The following HLTF variants were observed in gnomAD, a reference collection of about 807,000 sequenced individuals.
The protein encoded by HLTF is DNA-dependent ATPase/E3 ubiquitin-protein ligase HLTF.
HLTF carries 127 observed loss-of-function variants against 129.4 expected under a neutral mutation model. That is an observed-to-expected ratio of 0.98 (90% CI 0.85 to 1.14). HLTF has a LOEUF of 1.14. Among genes scored for constraint, HLTF ranks in the 50% most tolerant of loss-of-function variants. HLTF has a pLI of 0.00. For synonymous variants in HLTF, 332 were observed against 388.8 expected (o/e 0.85, Z 1.72); for missense variants, 1,139 against 1,187.1 (o/e 0.96, Z 0.60).
chr3:149,086,345 GT>G lies in HLTF; in HGVS notation c.-10del. On this transcript the variant is annotated 5_prime_UTR_variant, in exon 1 of 25. Transcript: ENST00000310053. ...TTGAACATCCAGGACATGGCGCTGA[GT>G]GGGATGACAAGAGGAGCGCCTCGGC... The G allele has an allele frequency of 6.3e-7, 1 of 1,592,698 alleles. No homozygotes were observed. The highest frequency in any genetic ancestry group is 8.6e-7 in the Non-Finnish European group (1 of 1,169,142).
chr3:149,074,959 A>G (rs1380376437), intron 3 of HLTF, among the ~76,000 whole-genome samples: 1 of 152,198 alleles, frequency 6.6e-6, no homozygotes, highest in Non-Finnish European at 1.5e-5. Flanking sequence ...GAGTTTAGAA[A>G]AAGAAAAAAG....
In HLTF at chr3:149,050,239, T is replaced by C. The variant is rs1335546241; in HGVS notation, c.1610A>G (p.Asp537Gly). 4 of 1,577,266 alleles carry C rather than the reference T, an allele frequency of 2.5e-6. No homozygotes were observed. Among genetic ancestry groups the C allele is most frequent in the Non-Finnish European group, 3.5e-6 (4 of 1,152,406 alleles). ...AGTATCAACAATACTTACTCCATAGTCATGAGTTAAAATATTATACGTAGT... is the reference window on the plus strand; with the variant it reads ...AGTATCAACAATACTTACTCCATAGCCATGAGTTAAAATATTATACGTAGT... ...VLTTYNILTHDYGTKGDSPLH... is the reference protein window; with the variant it reads ...VLTTYNILTHGYGTKGDSPLH... Residue 537 changes from aspartate to glycine, a missense_variant, in exon 15 of 25, where the codon GAC becomes GGC. Asp to Gly is a moderately conservative substitution (Grantham distance 94). Coordinates refer to ENST00000310053, the MANE Select transcript of HLTF (RefSeq NM_003071.4).
chr3:149,060,757 A>T, intron 11 of HLTF, 22 bp downstream of exon 11: 1 of 1,607,542 alleles, frequency 6.2e-7, no homozygotes, highest in Non-Finnish European at 8.5e-7. Flanking sequence ...CACATTATCA[A>T]ATCAAATCTA....
chr3:149,046,286 G>GT, intron 17 of HLTF, 27 bp from the exon 18 acceptor site: 1 of 1,244,914 alleles, frequency 8.0e-7, no homozygotes, highest in African/African-American at 1.6e-5. Flanking sequence ...AAATAATTAT[G>GT]TAACTTTTAA....
rs749242198 is a variant in HLTF, at chr3:149,032,216, CA to C, written c.*3del. 2 of 1,560,552 alleles carry C rather than the reference CA, an allele frequency of 1.3e-6. No homozygotes were observed. Among genetic ancestry groups the C allele is most frequent in the Admixed American group, 4.2e-5 (2 of 47,762 alleles). The stretch of plus-strand genomic sequence containing the variant: ...TCAAACTGACCTTACTAAAATCCCA[CA>C]AATTATAAGTCAATTAATGTTCTGA... On this transcript the variant is annotated 3_prime_UTR_variant, in exon 25 of 25. Coordinates refer to ENST00000310053, the MANE Select transcript of HLTF (RefSeq NM_003071.4).
intron 8 of HLTF, among the ~76,000 whole-genome samples, chr3:149,067,988 G>T (rs987985360): frequency 2.6e-5 from 4 of 152,200 alleles, no homozygotes; most frequent in South Asian, 2.1e-4. Flanking sequence ...TTGAGCCTGG[G>T]AAGCAGAGGT....
intron 5 of HLTF, among the ~76,000 whole-genome samples, chr3:149,072,481 T>G (rs1718960104): frequency 6.6e-6 from 1 of 152,232 alleles, no homozygotes. Flanking sequence ...CTTTTATTAT[T>G]ATGCTAACTT....
intron 10 of HLTF, among the ~76,000 whole-genome samples, chr3:149,062,376 T>G (rs574841107): frequency 1.3e-5 from 2 of 152,320 alleles, no homozygotes; most frequent in Admixed American, 1.3e-4. Context: ...CTGAAGCAAT[T>G]AGATTTAGAT....
chr3:149,051,535 G>A (rs975284683), intron 14 of HLTF, among the ~76,000 whole-genome samples: 3 of 152,156 alleles, frequency 2.0e-5, no homozygotes, highest in African/African-American at 7.2e-5. Flanking sequence ...TGTTTTTATT[G>A]GGAGAAAACA....
chr3:149,033,069 T>C (rs1715269610), intron 24 of HLTF, among the ~76,000 whole-genome samples: 1 of 151,988 alleles, frequency 6.6e-6, no homozygotes, highest in Admixed American at 6.6e-5. Context: ...ATCTCATTCC[T>C]GATAAAAACT....
At position 149,071,529 on chromosome 3, in the gene HLTF, T is replaced by C. The variant is rs1332930788; in HGVS notation, c.702+54A>G. ...CTGTGATTAAACAAAAAGTAGATTC[T>C]AAGTATATTTAAACATTCTGAGTAG... is the stretch of plus-strand genomic sequence containing the variant. On this transcript the variant is annotated intron_variant, in intron 6 of 24. Coordinates refer to ENST00000310053, the MANE Select transcript of HLTF (RefSeq NM_003071.4). 3 of 1,463,872 alleles carry C rather than the reference T, an allele frequency of 2.0e-6. No homozygotes were observed. The East Asian group carries it at 6.9e-5, about 34-fold the overall frequency. The allele number at this position is 1,463,872 out of a possible 1,614,324, so 90.7% of individuals were successfully genotyped here.
At chr3:149,043,451 G>A (rs1716289028) in intron 18 of HLTF, among the ~76,000 whole-genome samples, 2 of 149,934 alleles carry the variant, frequency 1.3e-5, no homozygotes, top group South Asian at 4.2e-4. Context: ...AAGCTTTCCA[G>A]GAAAGAGAAG....
chr3:149,035,385 AT>A (rs1476689476), intron 23 of HLTF, among the ~76,000 whole-genome samples: 1 of 152,140 alleles, frequency 6.6e-6, no homozygotes, highest in African/African-American at 2.4e-5. Flanking sequence ...TCTTGGGCCT[AT>A]TTAGTTTTCT....
At position 149,086,429 on chromosome 3, in the gene HLTF, G is replaced by A; in HGVS notation, c.-93C>T. ...GCCTCCTTCCAGGCCCCGCAGCCCT[G>A]AAGCCGGGGACAAATTCCGAGCGCC... On this transcript the variant is annotated 5_prime_UTR_variant, in exon 1 of 25. Transcript: ENST00000310053. 1 of 1,442,330 alleles carries A rather than the reference G, an allele frequency of 6.9e-7. No homozygotes were observed. Among genetic ancestry groups the A allele is most frequent in the Non-Finnish European group, 9.5e-7 (1 of 1,053,328 alleles). The allele number at this position is 1,442,330 out of a possible 1,614,324, so 89.3% of individuals were successfully genotyped here.
At chr3:149,044,271 G>T (rs1489806495) in intron 18 of HLTF, among the ~76,000 whole-genome samples, 1 of 152,048 alleles carries the variant, frequency 6.6e-6, no homozygotes, top group East Asian at 1.9e-4. Flanking sequence ...CTATTAAAAA[G>T]AATACTTTAA....
chr3:149,071,129 G>A, intron 7 of HLTF, 123 bp downstream of exon 7: 1 of 560,196 alleles, frequency 1.8e-6, no homozygotes, highest in Non-Finnish European at 3.1e-6. Context: ...GTTCTACAAA[G>A]ATAGTAAGAT....
intron 8 of HLTF, 81 bp downstream of exon 8, chr3:149,068,159 G>T (rs1190843600): frequency 3.3e-6 from 2 of 609,220 alleles, no homozygotes; most frequent in African/African-American, 1.9e-5. Flanking sequence ...CAATTTCTTG[G>T]TAGTTTTTTT....
At chr3:149,068,219 G>T in intron 8 of HLTF, 21 bp downstream of exon 8, 1 of 998,712 alleles carries the variant, frequency 1.0e-6, no homozygotes, top group Non-Finnish European at 1.5e-6. Context: ...TTCACATAAA[G>T]CGCACTTACT....
rs1718579395 is a variant in HLTF, at chr3:149,068,365, C to A, written c.895-30G>T. ...AAAATGTTTTAAAAAGATAAATGGTCAGATTGTGAAACCCAGTTCACCAGA... is the reference window on the plus strand; with the variant it reads ...AAAATGTTTTAAAAAGATAAATGGTAAGATTGTGAAACCCAGTTCACCAGA... On this transcript the variant is annotated intron_variant, in intron 7 of 24. Transcript: ENST00000310053. 3.7e-6 allele frequency: 4 copies of A among 1,070,314 alleles called. No individual in the cohort carries two copies. The South Asian group carries it at 5.6e-5, about 15-fold the overall frequency. 66.3% of individuals were successfully genotyped at this position (1,070,314 alleles called of 1,614,324 possible).
Sources: gnomAD v4.1 joint callset for allele counts (sites outside exome capture counted in the v4.1 genomes callset) on GRCh38, gnomAD v4.1.1 for gene constraint, MANE v1.5 for transcripts, NCBI Gene and HGNC (gene_info 2026-07-23, HGNC 2026-07-21) for gene names.